MTHFD1L: variants seen among roughly 807,000 people sequenced by gnomAD.
MTHFD1L encodes methylenetetrahydrofolate dehydrogenase (NADP+ dependent) 1 like, also known as monofunctional C1-tetrahydrofolate synthase, mitochondrial.
In MTHFD1L, 81 loss-of-function variants were observed where a neutral mutation model predicts 119.5. The observed-to-expected ratio is 0.68, with a 90% CI of 0.57 to 0.82. The LOEUF is 0.82. Among genes scored for constraint, MTHFD1L ranks in the 40% least tolerant of loss-of-function variants. MTHFD1L has a pLI of 0.00. For missense variants in MTHFD1L, 1,125 were observed against 1,253.4 expected (o/e 0.90, Z 1.55); for synonymous variants, 430 against 475.2 (o/e 0.90, Z 1.24).
At chr6:150,927,034 C>CT (rs1332700210) in intron 11 of MTHFD1L, among the ~76,000 whole-genome samples, 15 of 152,132 alleles carry the variant, frequency 9.9e-5, no homozygotes, top group African/African-American at 3.6e-4. Flanking sequence ...ATGATGTATA[C>CT]AAAGCTTCAG....
chr6:151,059,019 T>C (rs1790324683), intron 26 of MTHFD1L, among the ~76,000 whole-genome samples: 1 of 151,550 alleles, frequency 6.6e-6, no homozygotes, highest in Admixed American at 6.6e-5. Context: ...TAATCAAAGT[T>C]GAGGCAGTGC....
chr6:150,951,928 G>A (rs534738899), intron 16 of MTHFD1L, among the ~76,000 whole-genome samples: 12 of 152,208 alleles, frequency 7.9e-5, no homozygotes, highest in Admixed American at 7.8e-4. Context: ...AAAAGAGAAA[G>A]TTTTATGCCA....
At chr6:151,048,703 TA>T (rs1788494421) in intron 26 of MTHFD1L, among the ~76,000 whole-genome samples, 2 of 152,164 alleles carry the variant, frequency 1.3e-5, no homozygotes, top group South Asian at 4.1e-4. Flanking sequence ...TCGAACCAGT[TA>T]CTGACCAGCA....
intron 20 of MTHFD1L, among the ~76,000 whole-genome samples, chr6:150,990,483 G>A (rs1287121418): frequency 6.6e-6 from 1 of 151,760 alleles, no homozygotes; most frequent in African/African-American, 2.4e-5. Flanking sequence ...TTTTGAGACA[G>A]AGTTTCACTC....
intron 7 of MTHFD1L, among the ~76,000 whole-genome samples, chr6:150,899,272 G>A (rs931005325): frequency 6.6e-6 from 1 of 152,162 alleles, no homozygotes; most frequent in African/African-American, 2.4e-5. Flanking sequence ...TTGGCTTGTA[G>A]TCATTTTGAT....
chr6:151,011,037 G>A (rs1782139717), intron 21 of MTHFD1L, among the ~76,000 whole-genome samples: 1 of 152,166 alleles, frequency 6.6e-6, no homozygotes, highest in Non-Finnish European at 1.5e-5. Context: ...CAGCAGGCCA[G>A]CAGAGAGCCG....
At chr6:151,019,367 G>C (rs1243708194) in intron 24 of MTHFD1L, among the ~76,000 whole-genome samples, 2 of 152,322 alleles carry the variant, frequency 1.3e-5, no homozygotes, top group East Asian at 3.9e-4. Context: ...TCAGTAATCA[G>C]AAGAAATGCT....
intron 26 of MTHFD1L, among the ~76,000 whole-genome samples, chr6:151,046,469 GTGTATA>G (rs1482518003): frequency 0.016 from 1,902 of 116,498 alleles, 13 homozygotes; most frequent in Non-Finnish European, 0.021. Context: ...ATATGTGTGT[GTGTATA>G]TATATATATA....
intron 9 of MTHFD1L, 127 bp downstream of exon 9, chr6:150,918,795 T>C (rs553268728): frequency 4.8e-5 from 34 of 706,170 alleles, no homozygotes; most frequent in Admixed American, 1.6e-4. Flanking sequence ...GTTAGGCCCA[T>C]TTGATAAGTG....
At chr6:150,866,378 G>C (rs1439428953) in intron 1 of MTHFD1L, 2 of 1,403,500 alleles carry the variant, frequency 1.4e-6, no homozygotes, top group Admixed American at 3.2e-5. Context: ...CGCCGGGCGC[G>C]ACCCAGACGG....
intron 1 of MTHFD1L, among the ~76,000 whole-genome samples, chr6:150,871,066 A>G (rs1779374263): frequency 6.9e-6 from 1 of 145,254 alleles, no homozygotes; most frequent in South Asian, 2.1e-4. Flanking sequence ...ATACCTTAAT[A>G]TATATACCTT....
In MTHFD1L at chr6:150,972,142, C is replaced by G. The variant is rs542827528; in HGVS notation, c.2125+84C>G. The G allele has an allele frequency of 3.1e-5, 36 of 1,173,136 alleles. 1 individual carries two copies. The highest frequency in any genetic ancestry group is 1.7e-4 in the South Asian group (13 of 75,034). The allele number at this position is 1,173,136 out of a possible 1,614,324, so 72.7% of individuals were successfully genotyped here. ...TGACTGGAATGGAGTGATATCCATCCTGACATGAAACATATTCTTTCAGGC... is the reference window on the plus strand; with the variant it reads ...TGACTGGAATGGAGTGATATCCATCGTGACATGAAACATATTCTTTCAGGC... On this transcript the variant is annotated intron_variant, in intron 20 of 27. Coordinates refer to ENST00000367321, the MANE Select transcript of MTHFD1L (RefSeq NM_015440.5).
chr6:151,000,335 CAAA>C (rs946814251), intron 20 of MTHFD1L, among the ~76,000 whole-genome samples: 6 of 75,272 alleles, frequency 8.0e-5, no homozygotes, highest in Admixed American at 1.2e-4. Context: ...GACTCTGTCT[CAAA>C]AAAAAAAAAA....
chr6:150,921,293 A>C (rs558694116), intron 9 of MTHFD1L, among the ~76,000 whole-genome samples: 2 of 151,462 alleles, frequency 1.3e-5, no homozygotes, highest in Non-Finnish European at 2.9e-5. Flanking sequence ...CTAATTTTGT[A>C]TTTTTAGTAG....
intron 8 of MTHFD1L, among the ~76,000 whole-genome samples, chr6:150,909,605 C>T (rs1466164251): frequency 6.6e-6 from 1 of 152,186 alleles, no homozygotes; most frequent in Non-Finnish European, 1.5e-5. Context: ...GCTTGCTAAA[C>T]AGCAGATTTC....
intron 26 of MTHFD1L, among the ~76,000 whole-genome samples, chr6:151,044,558 C>G (rs1725533267): frequency 6.6e-6 from 1 of 152,060 alleles, no homozygotes; most frequent in African/African-American, 2.4e-5. Context: ...GCCTCAGCCT[C>G]CCAAAGTGCT....
chr6:150,966,065 C>T (rs796233920), intron 19 of MTHFD1L, among the ~76,000 whole-genome samples: 5 of 152,232 alleles, frequency 3.3e-5, no homozygotes, highest in African/African-American at 9.6e-5. Flanking sequence ...ACCTTTAGTG[C>T]AGGGGCCTTG....
chr6:150,988,386 A>T (rs1371923278), intron 20 of MTHFD1L, among the ~76,000 whole-genome samples: 1 of 152,170 alleles, frequency 6.6e-6, no homozygotes, highest in African/African-American at 2.4e-5. Flanking sequence ...AGTTTAGGAT[A>T]TTGCAATTAT....
intron 24 of MTHFD1L, among the ~76,000 whole-genome samples, chr6:151,015,955 C>T (rs1407097486): frequency 1.3e-5 from 2 of 152,048 alleles, no homozygotes; most frequent in African/African-American, 4.8e-5. Flanking sequence ...GGCATGGTGG[C>T]GTGCACCTAT....
Sources: gnomAD v4.1 joint callset for allele counts (sites outside exome capture counted in the v4.1 genomes callset) on GRCh38, gnomAD v4.1.1 for gene constraint, MANE v1.5 for transcripts, NCBI Gene and HGNC (gene_info 2026-07-23, HGNC 2026-07-21) for gene names.